The following L3MBTL3 variants were observed in gnomAD, a reference collection of about 807,000 sequenced individuals.
The protein encoded by L3MBTL3 is lethal(3)malignant brain tumor-like protein 3.
In L3MBTL3, 27 loss-of-function variants were observed where a neutral mutation model predicts 102.3. That is an observed-to-expected ratio of 0.26 (90% CI 0.19 to 0.36). L3MBTL3 has a LOEUF of 0.36. L3MBTL3 is among the 10% of genes least tolerant of loss of function. L3MBTL3 has a pLI of 1.00. For synonymous variants in L3MBTL3, 340 were observed against 320.9 expected (o/e 1.06, Z -0.64); for missense variants, 798 against 955.3 (o/e 0.84, Z 2.17).
chr6:130,059,674 G>A (rs1356833488), intron 9 of L3MBTL3, among the ~76,000 whole-genome samples: 1 of 152,160 alleles, frequency 6.6e-6, no homozygotes, highest in Non-Finnish European at 1.5e-5. Context: ...TGATGTATGC[G>A]TGTGTCTGTT....
At chr6:130,073,976 G>A (rs1311282433) in intron 13 of L3MBTL3, among the ~76,000 whole-genome samples, 1 of 152,126 alleles carries the variant, frequency 6.6e-6, no homozygotes, top group East Asian at 1.9e-4. Flanking sequence ...CAGTTAAGAT[G>A]CAATGGAAAT....
intron 10 of L3MBTL3, among the ~76,000 whole-genome samples, chr6:130,062,070 T>C (rs761030063): frequency 1.3e-5 from 2 of 152,224 alleles, no homozygotes; most frequent in Non-Finnish European, 2.9e-5. Flanking sequence ...AGTTTAGCTA[T>C]AGAAGAGAAA....
intron 18 of L3MBTL3, among the ~76,000 whole-genome samples, chr6:130,101,309 G>A (rs144217890): frequency 4.6e-5 from 7 of 152,280 alleles, no homozygotes; most frequent in Admixed American, 3.3e-4. Context: ...TTTGTTAAAG[G>A]TGATAAAGTT....
intron 16 of L3MBTL3, among the ~76,000 whole-genome samples, chr6:130,089,025 T>C (rs996487065): frequency 6.6e-6 from 1 of 152,156 alleles, no homozygotes; most frequent in African/African-American, 2.4e-5. Context: ...GACATGCCTT[T>C]GAGTCAAAAG....
At position 130,071,051 on chromosome 6, in the gene L3MBTL3, G is replaced by A; in HGVS notation, c.1168G>A (p.Val390Ile). 6.2e-7 allele frequency: 1 copy of A among 1,612,986 alleles called. No individual in the cohort carries two copies. The highest frequency in any genetic ancestry group is 8.5e-7 in the Non-Finnish European group (1 of 1,179,190). ...VDKKNPSFIC[V>I]ATVTDMVDNR... ...CAAAAAGAATCCCTCATTCATCTGT[G>A]TTGCTACGGTAACAGATATGGTGGA... The change falls in exon 13 of 23, where the codon GTT (valine) becomes ATT (isoleucine). Residue 390 changes from valine (V) to isoleucine (I), a missense_variant. Physicochemically the swap from Val to Ile is conservative, Grantham distance 29 (BLOSUM62 3). Transcript: ENST00000361794.
intron 20 of L3MBTL3, among the ~76,000 whole-genome samples, chr6:130,129,512 G>A (rs1174963335): frequency 6.6e-6 from 1 of 152,084 alleles, no homozygotes; most frequent in African/African-American, 2.4e-5. Context: ...CCTTCCATAT[G>A]GTAATTTTAG....
chr6:130,123,663 T>C (rs1174191605), intron 20 of L3MBTL3, among the ~76,000 whole-genome samples: 3 of 152,202 alleles, frequency 2.0e-5, no homozygotes, highest in Non-Finnish European at 2.9e-5. Context: ...TTAACATCTT[T>C]CTTAGCCTTA....
At chr6:130,076,449 G>A (rs1782954988) in intron 13 of L3MBTL3, among the ~76,000 whole-genome samples, 1 of 152,030 alleles carries the variant, frequency 6.6e-6, no homozygotes, top group Non-Finnish European at 1.5e-5. Flanking sequence ...ATCCTTATAA[G>A]CATGGATTTT....
chr6:130,092,893 C>T, intron 17 of L3MBTL3, 34 bp downstream of exon 17: 1 of 1,262,936 alleles, frequency 7.9e-7, no homozygotes, highest in South Asian at 1.2e-5. Context: ...TAAATGTTTC[C>T]ATTTCCATAT....
chr6:130,095,865 C>A (rs1450569769), intron 18 of L3MBTL3, among the ~76,000 whole-genome samples: 1 of 152,172 alleles, frequency 6.6e-6, no homozygotes, highest in Non-Finnish European at 1.5e-5. Flanking sequence ...TGTCATTAAT[C>A]CATCCAGGAG....
intron 2 of L3MBTL3, among the ~76,000 whole-genome samples, chr6:130,038,064 A>G (rs1389512529): frequency 3.9e-5 from 6 of 151,966 alleles, no homozygotes; most frequent in Admixed American, 3.9e-4. Flanking sequence ...ACTTAACATA[A>G]TGTCCTTCAG....
At chr6:130,113,895 A>G (rs749759999) in intron 19 of L3MBTL3, among the ~76,000 whole-genome samples, 2 of 152,248 alleles carry the variant, frequency 1.3e-5, no homozygotes, top group Non-Finnish European at 1.5e-5. Context: ...ATCACATCAA[A>G]TAGAATAAAA....
At chr6:130,055,101 T>A in intron 7 of L3MBTL3, 70 bp from the exon 8 acceptor site, 2 of 1,102,980 alleles carry the variant, frequency 1.8e-6, no homozygotes, top group Non-Finnish European at 2.8e-6. Context: ...TGCTTTCTGA[T>A]AGCTCTCTAA....
chr6:130,052,062 A>G lies in L3MBTL3; in HGVS notation c.449+654A>G, dbSNP rs571106433. ...GACTGGACATTTATATTTTAGTGGC[A>G]TTTCCCATGTATTTTAATCAGCACA... On this transcript the variant is annotated intron_variant, in intron 6 of 22. Transcript: ENST00000361794. 2.6e-5 allele frequency among the ~76,000 whole-genome samples: 4 copies of G among 151,910 alleles called. No homozygotes were observed. The South Asian group carries it at 8.3e-4, about 32-fold the overall frequency.
Position 130,086,292 on chromosome 6 carries a change from A to G in L3MBTL3, c.1518+42A>G, listed in dbSNP as rs180968136. 1.3e-4 allele frequency: 178 copies of G among 1,339,748 alleles called. No homozygotes were observed. The East Asian group carries it at 3.9e-3, about 29-fold the overall frequency. 83.0% of individuals were successfully genotyped at this position (1,339,748 alleles called of 1,614,324 possible). ...GGGGGTTGGCTTTGTCTTTTGTTAT[A>G]AGATGTTTTAGATAAAAACTTTGGT... is the stretch of plus-strand genomic sequence containing the variant. On this transcript the variant is annotated intron_variant, in intron 16 of 22. Coordinates refer to ENST00000361794, the MANE Select transcript of L3MBTL3 (RefSeq NM_032438.4).
At chr6:130,078,655 G>A in intron 14 of L3MBTL3, 21 bp downstream of exon 14, 1 of 1,473,050 alleles carries the variant, frequency 6.8e-7, no homozygotes, top group Non-Finnish European at 9.5e-7. Flanking sequence ...TTTTAATGTG[G>A]CTAATACTAT....
chr6:130,080,894 A>G (rs1372083704), intron 14 of L3MBTL3, among the ~76,000 whole-genome samples: 2 of 152,210 alleles, frequency 1.3e-5, no homozygotes, highest in Admixed American at 1.3e-4. Flanking sequence ...GCCCCATAAC[A>G]AAAAAGACAC....
At chr6:130,042,057 C>T (rs982718029) in intron 2 of L3MBTL3, among the ~76,000 whole-genome samples, 2 of 152,184 alleles carry the variant, frequency 1.3e-5, no homozygotes, top group African/African-American at 4.8e-5. Context: ...AACATAATTA[C>T]TTATTTGTTT....
intron 1 of L3MBTL3, chr6:130,020,717 C>T (rs1778946347): frequency 6.6e-6 from 1 of 151,774 alleles, no homozygotes; most frequent in African/African-American, 2.4e-5. Context: ...TGCCACCACC[C>T]CGCTTCCTTT....
Sources: gnomAD v4.1 joint callset for allele counts (sites outside exome capture counted in the v4.1 genomes callset) on GRCh38, gnomAD v4.1.1 for gene constraint, MANE v1.5 for transcripts, NCBI Gene and HGNC (gene_info 2026-07-23, HGNC 2026-07-21) for gene names.